Variants in FGGY observed in about 807,000 individuals in gnomAD.
The protein encoded by FGGY is FGGY carbohydrate kinase domain-containing protein.
Under a neutral mutation model 71.3 loss-of-function variants are expected in FGGY, and 72 were observed. The ratio of observed to expected loss-of-function variants is 1.01; its 90% CI spans 0.84 to 1.23. The LOEUF (loss-of-function observed/expected upper bound fraction) is 1.23. Among genes scored for constraint, FGGY ranks in the 50% most tolerant of loss-of-function variants. The pLI, the probability that FGGY is intolerant of heterozygous loss-of-function variation, is 0.00. For synonymous variants in FGGY, 251 were observed against 250.3 expected, an observed-to-expected ratio of 1.00 and a Z score of -0.02; for missense variants, 668 against 682.3, an observed-to-expected ratio of 0.98 and a Z score of 0.23.
intron 9 of FGGY, among the ~76,000 whole-genome samples, chr1:59,609,900 G>A (rs915574865): frequency 3.3e-5 from 5 of 152,156 alleles, no homozygotes; most frequent in South Asian, 2.1e-4. Flanking sequence ...GTTTTAAGGA[G>A]CTCATACTTG....
In FGGY at chr1:59,762,509, T is replaced by C. The variant is rs2098351702; in HGVS notation, c.1581T>C (p.Tyr527=). The change falls in exon 16 of 16, where the codon TAT becomes TAC. Residue 527 remains tyrosine (Y), a synonymous_variant. Transcript: ENST00000303721. ...ATTTATATTTCTCCCACAGATACTATGATAAGAAATACCAAGTATTCCTGA... is the reference window on the plus strand; with the variant it reads ...ATTTATATTTCTCCCACAGATACTACGATAAGAAATACCAAGTATTCCTGA... ...VFPRLQDKKY[Y]DKKYQVFLKL... is the part of the protein sequence containing the mutation. 6.2e-7 allele frequency: 1 copy of C among 1,611,844 alleles called. No individual in the cohort carries two copies. Among genetic ancestry groups the C allele is most frequent in the East Asian group, 2.2e-5 (1 of 44,818 alleles).
chr1:59,416,141 C>CA (rs893036871), intron 5 of FGGY, among the ~76,000 whole-genome samples: 10 of 151,758 alleles, frequency 6.6e-5, no homozygotes, highest in African/African-American at 2.4e-4. Context: ...AGTGACAATG[C>CA]AAAAAAGCTT....
chr1:59,637,938 A>G (rs1428939360), intron 10 of FGGY, among the ~76,000 whole-genome samples: 5 of 152,192 alleles, frequency 3.3e-5, no homozygotes, highest in Non-Finnish European at 7.4e-5. Context: ...TTTACAGATG[A>G]GAAGAGGGTG....
At chr1:59,327,655 C>A (rs192072153) in intron 2 of FGGY, among the ~76,000 whole-genome samples, 1 of 152,308 alleles carries the variant, frequency 6.6e-6, no homozygotes, top group Admixed American at 6.5e-5. Context: ...AGAATGTTTT[C>A]AATTTACTTT....
intron 6 of FGGY, among the ~76,000 whole-genome samples, chr1:59,491,664 T>A (rs1179925459): frequency 6.6e-6 from 1 of 151,266 alleles, no homozygotes; most frequent in Non-Finnish European, 1.5e-5. Context: ...CAGGGATAAT[T>A]TGACTTCCTT....
At chr1:59,332,234 A>G (rs2048632567) in intron 2 of FGGY, among the ~76,000 whole-genome samples, 1 of 152,194 alleles carries the variant, frequency 6.6e-6, no homozygotes, top group African/African-American at 2.4e-5. Flanking sequence ...TTAGACATGG[A>G]ACAGGTTACC....
At chr1:59,658,855 A>G (rs1201618342) in intron 11 of FGGY, among the ~76,000 whole-genome samples, 4 of 152,224 alleles carry the variant, frequency 2.6e-5, no homozygotes, top group African/African-American at 9.6e-5. Flanking sequence ...AGATGCATTC[A>G]AAAGAGATTT....
In FGGY at chr1:59,457,099, G is replaced by C. The variant is rs12039820; in HGVS notation, c.670+23G>C. ...TAGGTAAAAGAATAAAACATCTGTA[G>C]AGTGATTATGTGCATTGGAGGATCT... On this transcript the variant is annotated intron_variant, in intron 6 of 15. Transcript: ENST00000303721. 6,340 of 1,514,900 alleles carry C rather than the reference G, an allele frequency of 4.2e-3. 440 individuals are homozygous for C. In the East Asian group the frequency reaches 0.12, roughly 29 times the overall value. The allele number at this position is 1,514,900 out of a possible 1,614,324, so 93.8% of individuals were successfully genotyped here. A position where few individuals can be genotyped will look rare whatever the true frequency, so the allele number is the denominator to read the frequency against.
intron 6 of FGGY, among the ~76,000 whole-genome samples, chr1:59,492,154 C>G (rs1335973415): frequency 6.6e-6 from 1 of 152,082 alleles, no homozygotes; most frequent in Non-Finnish European, 1.5e-5. Context: ...TCTGGTACCC[C>G]ACTATAATGC....
chr1:59,620,500 T>C (rs2096797040), intron 9 of FGGY, among the ~76,000 whole-genome samples: 2 of 152,108 alleles, frequency 1.3e-5, no homozygotes, highest in Admixed American at 1.3e-4. Flanking sequence ...TTGGGTTGTT[T>C]AGATACTTTA....
intron 6 of FGGY, among the ~76,000 whole-genome samples, chr1:59,503,652 G>A (rs1259514009): frequency 2.1e-5 from 3 of 142,208 alleles, no homozygotes; most frequent in Non-Finnish European, 4.5e-5. Context: ...ATATATACAT[G>A]ATATAGATAT....
In FGGY at chr1:59,467,994, C is replaced by A. The variant is rs539722341; in HGVS notation, c.670+10918C>A. Reference sequence around the variant, plus strand: ...TCTCGGCTCACTGCAACCTCTGCCTCCCGGTTTCAAGTGGTTCTTCTGCCT... The same window carrying A: ...TCTCGGCTCACTGCAACCTCTGCCTACCGGTTTCAAGTGGTTCTTCTGCCT... On this transcript the variant is annotated intron_variant, in intron 6 of 15. Coordinates refer to ENST00000303721, the MANE Select transcript of FGGY (RefSeq NM_018291.5). 5.9e-5 allele frequency among the ~76,000 whole-genome samples: 9 copies of A among 151,954 alleles called. No individual in the cohort carries two copies. The South Asian group carries it at 1.9e-3, about 32-fold the overall frequency.
At chr1:59,517,347 G>T (rs2094690608) in intron 7 of FGGY, among the ~76,000 whole-genome samples, 1 of 134,778 alleles carries the variant, frequency 7.4e-6, no homozygotes, top group Non-Finnish European at 1.5e-5. Flanking sequence ...CTCACTGCAA[G>T]CTCCGCCTCC....
At chr1:59,330,133 A>G (rs1462399335) in intron 2 of FGGY, among the ~76,000 whole-genome samples, 1 of 152,250 alleles carries the variant, frequency 6.6e-6, no homozygotes. Context: ...AAATCATTCT[A>G]TAAATCAAGA....
At chr1:59,499,829 AGT>A (rs2094169212) in intron 6 of FGGY, among the ~76,000 whole-genome samples, 1 of 152,216 alleles carries the variant, frequency 6.6e-6, no homozygotes, top group Non-Finnish European at 1.5e-5. Flanking sequence ...CTGCTATTAA[AGT>A]ACAAGTGAGT....
At chr1:59,541,232 A>T (rs564815178) in intron 7 of FGGY, among the ~76,000 whole-genome samples, 6 of 152,172 alleles carry the variant, frequency 3.9e-5, no homozygotes, top group Non-Finnish European at 8.8e-5. Context: ...AGCCTCTTTC[A>T]TCTCTGCCTT....
chr1:59,362,348 C>G (rs1051075944), intron 4 of FGGY, among the ~76,000 whole-genome samples: 1 of 152,152 alleles, frequency 6.6e-6, no homozygotes, highest in African/African-American at 2.4e-5. Flanking sequence ...TATTTCTTCT[C>G]TCCTCTGGGC....
At chr1:59,382,771 G>A (rs2059626248) in intron 5 of FGGY, among the ~76,000 whole-genome samples, 1 of 152,124 alleles carries the variant, frequency 6.6e-6, no homozygotes, top group African/African-American at 2.4e-5. Flanking sequence ...AAATCCAGAG[G>A]ACTCAAAGCT....
chr1:59,442,495 G>C (rs2070180920), intron 5 of FGGY, among the ~76,000 whole-genome samples: 1 of 151,898 alleles, frequency 6.6e-6, no homozygotes, highest in South Asian at 2.1e-4. Flanking sequence ...TCCTTCCTTA[G>C]AGACAGGACA....
Sources: allele counts gnomAD v4.1 joint callset (sites outside exome capture counted in the v4.1 genomes callset), GRCh38; gene constraint gnomAD v4.1.1; transcripts MANE v1.5; gene names NCBI Gene and HGNC (gene_info 2026-07-23, HGNC 2026-07-21).